Variants in RASSF2 observed in about 807,000 individuals in gnomAD.
The protein encoded by RASSF2 is ras association domain-containing protein 2.
A neutral mutation model predicts 46.3 loss-of-function variants in RASSF2; 34 were observed. That is an observed-to-expected ratio of 0.73 (90% CI 0.56 to 0.98). The LOEUF is 0.98. RASSF2 is among the 50% of genes least tolerant of loss of function. RASSF2 has a pLI of 0.00. For missense variants in RASSF2, 364 were observed against 431.2 expected (o/e 0.84, Z 1.38); for synonymous variants, 158 against 162.5 (o/e 0.97, Z 0.21).
chr20:4,810,760 C>T (rs937815254), intron 2 of RASSF2, among the ~76,000 whole-genome samples: 1 of 152,146 alleles, frequency 6.6e-6, no homozygotes, highest in Non-Finnish European at 1.5e-5. Context: ...CCTCAGCTCC[C>T]AGTGGGGGTG....
At chr20:4,785,014 T>C (rs1423902848) in intron 11 of RASSF2, among the ~76,000 whole-genome samples, 1 of 151,774 alleles carries the variant, frequency 6.6e-6, no homozygotes, top group Non-Finnish European at 1.5e-5. Context: ...ATTTTTAAAG[T>C]TTAGGACATA....
chr20:4,821,887 C>T (rs1162321278), intron 2 of RASSF2, among the ~76,000 whole-genome samples: 1 of 152,172 alleles, frequency 6.6e-6, no homozygotes, highest in Non-Finnish European at 1.5e-5. Context: ...ACAGCTACTG[C>T]CCACCCTCAA....
intron 2 of RASSF2, among the ~76,000 whole-genome samples, chr20:4,801,896 G>A (rs764662308): frequency 2.0e-5 from 3 of 151,322 alleles, no homozygotes; most frequent in Non-Finnish European, 4.4e-5. Flanking sequence ...CCGCCATCAC[G>A]CCAGGCTAAT....
intron 2 of RASSF2, among the ~76,000 whole-genome samples, chr20:4,803,160 C>T (rs1927037232): frequency 6.6e-6 from 1 of 152,038 alleles, no homozygotes; most frequent in African/African-American, 2.4e-5. Flanking sequence ...ACCTGCTTGC[C>T]TCGGCCTCCC....
intron 2 of RASSF2, among the ~76,000 whole-genome samples, chr20:4,815,508 G>A (rs1928232204): frequency 6.6e-6 from 1 of 152,194 alleles, no homozygotes; most frequent in African/African-American, 2.4e-5. Context: ...CAGCCACTGG[G>A]ATGGGTATTT....
At chr20:4,784,407 C>T (rs962926741) in intron 11 of RASSF2, 65 bp from the exon 12 acceptor site, 14 of 1,502,662 alleles carry the variant, frequency 9.3e-6, no homozygotes, top group African/African-American at 6.9e-5. Context: ...AGGACCTTCC[C>T]GGCCACCTGG....
chr20:4,820,056 A>G (rs1470579584), intron 2 of RASSF2, among the ~76,000 whole-genome samples: 1 of 152,232 alleles, frequency 6.6e-6, no homozygotes, highest in African/African-American at 2.4e-5. Context: ...AGCCCAAGTC[A>G]GAGGATGTGC....
intron 11 of RASSF2, among the ~76,000 whole-genome samples, chr20:4,785,658 T>C (rs1422793525): frequency 6.6e-6 from 1 of 152,096 alleles, no homozygotes; most frequent in East Asian, 1.9e-4. Flanking sequence ...TCAGGCTACA[T>C]CCACGGCTAA....
intron 7 of RASSF2, among the ~76,000 whole-genome samples, chr20:4,789,997 A>G (rs2122459458): frequency 1.3e-5 from 2 of 152,220 alleles, no homozygotes; most frequent in Admixed American, 1.3e-4. Context: ...GGAGGAAAGG[A>G]GGGATCAGCA....
In RASSF2 at chr20:4,795,255, C is replaced by T. The variant is rs2122508532; in HGVS notation, c.287+560G>A. On this transcript the variant is annotated intron_variant, in intron 5 of 11. Transcript: ENST00000379400. The surrounding 1 kb of genome is among the most constrained non-coding windows in gnomAD (Gnocchi z 4.0). ...GGGAACTTAGACTACCACCATCTCA[C>T]CAAACCCTGGCTCCCCGTATGGTCT... 6.6e-6 allele frequency: 1 copy of T among 152,490 alleles called. No homozygotes were observed. Among genetic ancestry groups the T allele is most frequent in the African/African-American group, 2.4e-5 (1 of 41,596 alleles). 9.4% of individuals were successfully genotyped at this position (152,490 alleles called of 1,614,324 possible).
At chr20:4,813,288 T>A (rs1422336749) in intron 2 of RASSF2, among the ~76,000 whole-genome samples, 1 of 151,902 alleles carries the variant, frequency 6.6e-6, no homozygotes, top group Non-Finnish European at 1.5e-5. Context: ...AGGGCCATGC[T>A]GGGGTTTCTT....
intron 2 of RASSF2, among the ~76,000 whole-genome samples, chr20:4,808,113 G>A (rs1482177507): frequency 2.0e-5 from 3 of 152,200 alleles, no homozygotes; most frequent in African/African-American, 4.8e-5. Flanking sequence ...GGATTCAATT[G>A]GATTCAACTG....
Position 4,795,939 on chromosome 20 carries a change from G to C in RASSF2, c.163C>G (p.Leu55Val). ...CGCAGGCCCCAGGAGATGTTCAGGA[G>C]CCCCTCCACAATGAACTCGTCTTCT... is the stretch of plus-strand genomic sequence containing the variant. ...EEEDEFIVEG[L>V]LNISWGLRRP... The change falls in exon 5 of 12, where the codon CTC becomes GTC. Residue 55 changes from leucine (L) to valine (V), a missense_variant. Coordinates refer to ENST00000379400, the MANE Select transcript of RASSF2 (RefSeq NM_014737.3). This position sits in a 1 kb window ranked among gnomAD's most constrained non-coding sequence, Gnocchi z 4.0. 5 of 1,551,582 alleles carry C rather than the reference G, an allele frequency of 3.2e-6. No individual in the cohort carries two copies. Among genetic ancestry groups the C allele is most frequent in the Non-Finnish European group, 4.4e-6 (5 of 1,143,840 alleles).
intron 2 of RASSF2, among the ~76,000 whole-genome samples, chr20:4,805,560 T>C (rs560637169): frequency 9.2e-5 from 14 of 152,198 alleles, no homozygotes; most frequent in Admixed American, 4.6e-4. Context: ...ACCAAGACTA[T>C]AGTCATTTTT....
chr20:4,801,186 T>C, intron 2 of RASSF2, 124 bp from the exon 3 acceptor site: 2 of 689,322 alleles, frequency 2.9e-6, no homozygotes, highest in South Asian at 1.7e-5. Context: ...CCCACCCAGA[T>C]CCACAGCTAA....
intron 3 of RASSF2, among the ~76,000 whole-genome samples, chr20:4,800,502 C>A (rs773050807): frequency 6.6e-6 from 1 of 152,186 alleles, no homozygotes; most frequent in South Asian, 2.1e-4. Flanking sequence ...CTTCTCACTG[C>A]GTCCTCACAC....
intron 3 of RASSF2, among the ~76,000 whole-genome samples, chr20:4,798,791 A>T (rs190169475): frequency 6.6e-6 from 1 of 150,648 alleles, no homozygotes; most frequent in Admixed American, 6.6e-5. Flanking sequence ...GCGCCACTGC[A>T]CTCCAGCCTG....
intron 2 of RASSF2, among the ~76,000 whole-genome samples, chr20:4,806,557 G>A (rs867834344): frequency 4.0e-5 from 6 of 151,862 alleles, no homozygotes; most frequent in Non-Finnish European, 5.9e-5. Context: ...CGATCCTCCC[G>A]CCTCAGCCTC....
chr20:4,809,302 C>T (rs1436236772), intron 2 of RASSF2, among the ~76,000 whole-genome samples: 1 of 152,148 alleles, frequency 6.6e-6, no homozygotes, highest in Admixed American at 6.5e-5. Flanking sequence ...TGATGACATC[C>T]CAGCCACAGA....
Sources: allele counts gnomAD v4.1 joint callset (sites outside exome capture counted in the v4.1 genomes callset), GRCh38; gene constraint gnomAD v4.1.1; non-coding constraint Gnocchi (gnomAD v3.1); transcripts MANE v1.5; gene names NCBI Gene and HGNC (gene_info 2026-07-23, HGNC 2026-07-21).